Variants in AMELX observed in about 807,000 individuals in gnomAD.
AMELX encodes amelogenin X-linked.
A neutral mutation model predicts 15.8 loss-of-function variants in AMELX; 9 were observed. The ratio of observed to expected loss-of-function variants is 0.57; its 90% CI spans 0.34 to 0.99. AMELX has a LOEUF of 0.99. Ranked by LOEUF, AMELX falls within the 50% of genes least tolerant of loss-of-function variation. The probability of loss-of-function intolerance (pLI) is 0.02; values close to 1 mark genes in which losing one functional copy is unlikely to be tolerated. For synonymous variants in AMELX, 61 were observed against 58.8 expected (o/e 1.04, Z -0.17); for missense variants, 107 against 156.2 (o/e 0.68, Z 1.68).
At chrX:11,307,713 A>G in the AMELX span, among the ~76,000 whole-genome samples, 1 of 112,432 alleles carries the variant, frequency 8.9e-6, no homozygotes, top group Non-Finnish European at 1.9e-5. Context: ...TAAAATGTGC[A>G]GTTCTTATCA....
At chrX:11,309,468 T>C in the AMELX span, among the ~76,000 whole-genome samples, 1 of 110,694 alleles carries the variant, frequency 9.0e-6, no homozygotes, top group African/African-American at 3.3e-5. Flanking sequence ...ACTGTGATCC[T>C]CTGAGTCAGA....
At chrX:11,301,087 A>G (rs2048168628), downstream of AMELX, among the ~76,000 whole-genome samples, 1 of 112,071 alleles carries the variant, frequency 8.9e-6, no homozygotes, top group African/African-American at 3.2e-5. Context: ...CTTTTGAAGA[A>G]TGTTTATATT....
In AMELX at chrX:11,298,622, C is replaced by A. The variant is rs2106416; in HGVS notation, c.219C>A (p.His73Gln). 13 of 1,207,207 alleles carry A rather than the reference C, an allele frequency of 1.1e-5. No homozygotes were observed. The highest frequency in any genetic ancestry group is 2.2e-5 in the Admixed American group (1 of 45,480). The change falls in exon 5 of 6, where the codon CAC becomes CAA. Residue 73 changes from histidine to glutamine, a missense_variant. Coordinates refer to ENST00000380714, the MANE Select transcript of AMELX (RefSeq NM_001142.2). ...HQIIPVLSQQ[H>Q]PPTHTLQPHH... is the part of the protein sequence containing the mutation. ...TCATCCCCGTGCTGTCCCAACAGCA[C>A]CCCCCGACTCACACCCTGCAGCCTC...
chrX:11,298,585 T>C lies in AMELX; in HGVS notation c.182T>C (p.Leu61Pro), dbSNP rs780365505. 2.4e-5 allele frequency: 29 copies of C among 1,208,894 alleles called. No homozygotes were observed. The African/African-American group carries it at 4.6e-4, about 19-fold the overall frequency. ...SYGYEPMGGW[L>P]HHQIIPVLSQ... ...GGTTACGAGCCCATGGGTGGATGGCTGCACCACCAAATCATCCCCGTGCTG... is the reference window on the plus strand; with the variant it reads ...GGTTACGAGCCCATGGGTGGATGGCCGCACCACCAAATCATCCCCGTGCTG... The change falls in exon 5 of 6, where the codon CTG (leucine) becomes CCG (proline). Residue 61 changes from leucine (L) to proline (P), a missense_variant. Coordinates refer to ENST00000380714, the MANE Select transcript of AMELX (RefSeq NM_001142.2).
In AMELX at chrX:11,298,223, T is replaced by C. The variant is rs754218426; in HGVS notation, c.103-13T>C. 4 of 1,210,988 alleles carry C rather than the reference T, an allele frequency of 3.3e-6. No individual in the cohort carries two copies. The highest frequency in any genetic ancestry group is 4.5e-6 in the Non-Finnish European group (4 of 894,792). ...ATTAAATCAAATGGGTTCTAATATC[T>C]TTTTCTCTTAAGGTGCTTACCCCTT... On this transcript the variant is annotated splice_polypyrimidine_tract_variant and intron_variant, in intron 3 of 5. Transcript: ENST00000380714.
At chrX:11,303,233 AT>A (rs1411746214), downstream of AMELX, among the ~76,000 whole-genome samples, 1 of 112,383 alleles carries the variant, frequency 8.9e-6, no homozygotes, top group Non-Finnish European at 1.9e-5. Context: ...TATTTTTGTG[AT>A]TTGGCTTTCA....
At chrX:11,304,856 G>A (rs1430148111), downstream of AMELX, among the ~76,000 whole-genome samples, 1 of 90,580 alleles carries the variant, frequency 1.1e-5, no homozygotes, top group African/African-American at 4.5e-5. Context: ...GCTCAATCTC[G>A]GTTCACTGCA....
At position 11,298,897 on chromosome X, in the gene AMELX, A is replaced by G. The variant is rs2048130882; in HGVS notation, c.494A>G (p.Gln165Arg). ...QPPLPPMFPMQPLPPMLPDLT... is the reference protein window; with the variant it reads ...QPPLPPMFPMRPLPPMLPDLT... ...CCTCTGCCTCCGATGTTCCCCATGC[A>G]GCCCCTGCCTCCCATGCTTCCTGAT... Residue 165 changes from glutamine to arginine, a missense_variant, in exon 5 of 6, where the codon CAG becomes CGG. Gln to Arg is a conservative substitution (Grantham distance 43). Coordinates refer to ENST00000380714, the MANE Select transcript of AMELX (RefSeq NM_001142.2). 5.0e-6 allele frequency: 6 copies of G among 1,208,974 alleles called. No homozygotes were observed. The highest frequency in any genetic ancestry group is 6.7e-6 in the Non-Finnish European group (6 of 895,012).
intron 3 of AMELX, among the ~76,000 whole-genome samples, 187 bp downstream of exon 3, chrX:11,297,013 T>A (rs894270020): frequency 1.8e-5 from 2 of 111,243 alleles, no homozygotes; most frequent in African/African-American, 6.6e-5. Context: ...CCCAGCAGCC[T>A]CCCGCCTGGC....
chrX:11,301,390 T>C (rs745910768), downstream of AMELX, among the ~76,000 whole-genome samples: 8 of 112,053 alleles, frequency 7.1e-5, no homozygotes, highest in Non-Finnish European at 1.9e-5. Context: ...AACAAATGCA[T>C]AAAATGGACT....
At chrX:11,297,555 T>C (rs2048107622) in intron 3 of AMELX, among the ~76,000 whole-genome samples, 2 of 112,563 alleles carry the variant, frequency 1.8e-5, no homozygotes, top group African/African-American at 6.5e-5. Flanking sequence ...CGTATTACTA[T>C]ATGAAGAATC....
downstream of AMELX, among the ~76,000 whole-genome samples, chrX:11,302,832 A>G (rs2048188773): frequency 9.0e-6 from 1 of 111,157 alleles, no homozygotes; most frequent in Admixed American, 9.5e-5. Context: ...ATATCAAGAA[A>G]AAAAGATCAA....
intron 3 of AMELX, chrX:11,298,010 G>C: frequency 3.3e-6 from 3 of 917,483 alleles, no homozygotes; most frequent in Non-Finnish European, 4.8e-6. Context: ...TAGCATATAA[G>C]AAAAGATGAA....
downstream of AMELX, among the ~76,000 whole-genome samples, chrX:11,301,241 G>T (rs2048171880): frequency 8.9e-6 from 1 of 112,008 alleles, no homozygotes; most frequent in Non-Finnish European, 1.9e-5. Flanking sequence ...TGAATTTAAA[G>T]TTATTCAAGT....
intron 3 of AMELX, among the ~76,000 whole-genome samples, chrX:11,297,729 T>C (rs1288255401): frequency 2.7e-5 from 3 of 112,270 alleles, no homozygotes; most frequent in Non-Finnish European, 3.8e-5. Flanking sequence ...ACCGAAAAGA[T>C]TGACACATCT....
chrX:11,303,610 T>C (rs5933872), downstream of AMELX, among the ~76,000 whole-genome samples: 37,476 of 110,988 alleles, frequency 0.34, 5,561 homozygotes, highest in African/African-American at 0.57. Flanking sequence ...ATGAACGATA[T>C]TAAAATCTCA....
intron 5 of AMELX, among the ~76,000 whole-genome samples, chrX:11,299,703 T>G (rs974297383): frequency 2.7e-5 from 3 of 111,829 alleles, no homozygotes; most frequent in Non-Finnish European, 5.6e-5. Flanking sequence ...GATCCTATCA[T>G]GTATATGTAT....
intron 2 of AMELX, among the ~76,000 whole-genome samples, chrX:11,295,250 C>T (rs986289378): frequency 1.8e-5 from 2 of 111,299 alleles, no homozygotes; most frequent in Non-Finnish European, 3.8e-5. Flanking sequence ...CAATTCCTCT[C>T]AAGATTCCAA....
chrX:11,300,319 C>T (rs979176749), intron 5 of AMELX, among the ~76,000 whole-genome samples: 1 of 111,158 alleles, frequency 9.0e-6, no homozygotes, highest in African/African-American at 3.3e-5. Flanking sequence ...AACAAAATAG[C>T]GTGATAAGCT....
Sources: gnomAD v4.1 joint callset for allele counts (sites outside exome capture counted in the v4.1 genomes callset) on GRCh38, gnomAD v4.1.1 for gene constraint, MANE v1.5 for transcripts, NCBI Gene and HGNC (gene_info 2026-07-23, HGNC 2026-07-21) for gene names.